The following SORCS3 variants were observed in gnomAD, a reference collection of about 807,000 sequenced individuals.
The protein encoded by SORCS3 is sortilin related VPS10 domain containing receptor 3.
In SORCS3, 57 loss-of-function variants were observed where a neutral mutation model predicts 146.3. The observed-to-expected ratio is 0.39, with a 90% CI of 0.31 to 0.49. The LOEUF (loss-of-function observed/expected upper bound fraction) is 0.49. SORCS3 is among the 20% of genes least tolerant of loss of function. The pLI is 0.92. For missense variants in SORCS3, 1,341 were observed against 1,575.5 expected, an observed-to-expected ratio of 0.85 and a Z score of 2.52; for synonymous variants, 653 against 618.5, an observed-to-expected ratio of 1.06 and a Z score of -0.83.
rs376055606 is a variant in SORCS3, at chr10:105,068,137, C to T, written c.1029-21638C>T. The stretch of plus-strand genomic sequence containing the variant: ...CTCTACTATATACCTCAAAACCCAA[C>T]TGTCCATAACAGAACATATTGCCAT... On this transcript the variant is annotated intron_variant, in intron 5 of 26. Transcript: ENST00000369701. Among the ~76,000 whole-genome samples, 13 of 152,326 alleles carry T rather than the reference C, an allele frequency of 8.5e-5. No homozygotes were observed. In the East Asian group the frequency reaches 2.5e-3, roughly 29 times the overall value.
At chr10:104,671,877 T>C (rs533123392) in intron 1 of SORCS3, among the ~76,000 whole-genome samples, 49 of 152,262 alleles carry the variant, frequency 3.2e-4, no homozygotes, top group African/African-American at 1.2e-3. Context: ...GGTTTACTAG[T>C]ATTTTGTTGA....
chr10:104,810,676 GAGGGTA>G (rs967369701), intron 1 of SORCS3, among the ~76,000 whole-genome samples: 1 of 152,212 alleles, frequency 6.6e-6, no homozygotes, highest in African/African-American at 2.4e-5. Context: ...TACTGGGCCA[GAGGGTA>G]TAAGTGTTTT....
intron 1 of SORCS3, among the ~76,000 whole-genome samples, chr10:104,709,833 T>C (rs2016391190): frequency 2.0e-5 from 3 of 152,144 alleles, no homozygotes; most frequent in Admixed American, 1.3e-4. Flanking sequence ...GCATTTTGGT[T>C]CCTTAAATAA....
At chr10:105,032,116 C>A (rs759172284) in intron 4 of SORCS3, among the ~76,000 whole-genome samples, 4 of 152,060 alleles carry the variant, frequency 2.6e-5, no homozygotes, top group Non-Finnish European at 5.9e-5. Flanking sequence ...CGCTTGAAAC[C>A]GGAAGACAGA....
intron 2 of SORCS3, among the ~76,000 whole-genome samples, chr10:104,876,920 A>T (rs1047051068): frequency 1.3e-5 from 2 of 151,952 alleles, no homozygotes; most frequent in Admixed American, 1.3e-4. Flanking sequence ...TAGCAAAGCA[A>T]TCGCAGCTCA....
intron 2 of SORCS3, among the ~76,000 whole-genome samples, chr10:104,853,918 A>G (rs2018301170): frequency 6.6e-6 from 1 of 152,180 alleles, no homozygotes. Flanking sequence ...TAAAAATACC[A>G]CTTATAAAAA....
chr10:104,964,645 T>C (rs995726812), intron 3 of SORCS3, among the ~76,000 whole-genome samples: 1 of 152,192 alleles, frequency 6.6e-6, no homozygotes, highest in African/African-American at 2.4e-5. Context: ...TTGATTAAAG[T>C]GTTCATTAGC....
Position 104,928,116 on chromosome 10 carries a change from A to G in SORCS3, c.795+12184A>G, listed in dbSNP as rs571464204. On this transcript the variant is annotated intron_variant, in intron 3 of 26. Transcript: ENST00000369701. ...TGGGTTTTAGCAGTTTCAAGTTGGGAGAGAGAATAGGGTACGACTAGATAT... is the reference window on the plus strand; with the variant it reads ...TGGGTTTTAGCAGTTTCAAGTTGGGGGAGAGAATAGGGTACGACTAGATAT... 2.2e-3 allele frequency among the ~76,000 whole-genome samples: 333 copies of G among 152,264 alleles called. 2 individuals are homozygous for G. Among genetic ancestry groups the G allele is most frequent in the African/African-American group, 7.5e-3 (313 of 41,560 alleles).
intron 1 of SORCS3, among the ~76,000 whole-genome samples, chr10:104,719,110 T>A (rs2016513370): frequency 6.6e-6 from 1 of 152,226 alleles, no homozygotes; most frequent in African/African-American, 2.4e-5. Flanking sequence ...ATATTTTTCA[T>A]ACTAAGTATT....
At chr10:105,104,534 TAGA>T (rs2055807974) in intron 6 of SORCS3, among the ~76,000 whole-genome samples, 1 of 152,182 alleles carries the variant, frequency 6.6e-6, no homozygotes, top group South Asian at 2.1e-4. Flanking sequence ...TTGAGATCTC[TAGA>T]AGATTTTTAC....
chr10:104,975,839 G>T (rs1167633576), intron 3 of SORCS3, among the ~76,000 whole-genome samples: 2 of 152,170 alleles, frequency 1.3e-5, no homozygotes, highest in Non-Finnish European at 2.9e-5. Flanking sequence ...AAATGGTGCC[G>T]GGAAAACCGG....
chr10:104,673,613 A>G (rs1250446716), intron 1 of SORCS3, among the ~76,000 whole-genome samples: 1 of 151,706 alleles, frequency 6.6e-6, no homozygotes, highest in Non-Finnish European at 1.5e-5. Flanking sequence ...ATGCCCAGCT[A>G]ATTTTTAAAT....
chr10:104,648,890 T>C (rs899124680), intron 1 of SORCS3, among the ~76,000 whole-genome samples: 5 of 152,186 alleles, frequency 3.3e-5, no homozygotes, highest in Non-Finnish European at 5.9e-5. Flanking sequence ...AAGCCATCCC[T>C]GCTTGGTTGA....
intron 1 of SORCS3, among the ~76,000 whole-genome samples, chr10:104,744,484 G>T (rs1018730409): frequency 6.6e-6 from 1 of 152,070 alleles, no homozygotes. Context: ...GATTTTTCTT[G>T]TATAATCCTC....
At chr10:105,159,667 CTTAGAAG>C (rs145495282) in intron 11 of SORCS3, among the ~76,000 whole-genome samples, 1,530 of 152,346 alleles carry the variant, frequency 0.01, 25 homozygotes, top group African/African-American at 0.034. Context: ...GCCTGCTAAT[CTTAGAAG>C]TTAGAGCTCC....
intron 1 of SORCS3, among the ~76,000 whole-genome samples, chr10:104,772,684 A>G (rs2017265930): frequency 6.6e-6 from 1 of 152,160 alleles, no homozygotes; most frequent in Non-Finnish European, 1.5e-5. Context: ...TTGCCATCAC[A>G]GTACCTTTGT....
intron 3 of SORCS3, among the ~76,000 whole-genome samples, chr10:104,934,316 A>C (rs2019238454): frequency 6.6e-6 from 1 of 152,254 alleles, no homozygotes; most frequent in African/African-American, 2.4e-5. Flanking sequence ...ATGAGACAAT[A>C]GGTCTAGGCA....
intron 2 of SORCS3, among the ~76,000 whole-genome samples, chr10:104,858,327 T>C (rs1229070753): frequency 6.6e-6 from 1 of 152,332 alleles, no homozygotes; most frequent in East Asian, 1.9e-4. Context: ...AACAGTTTTT[T>C]CCTATTTTTA....
intron 3 of SORCS3, among the ~76,000 whole-genome samples, chr10:104,917,402 A>T (rs1017708704): frequency 5.9e-5 from 9 of 152,226 alleles, no homozygotes; most frequent in Non-Finnish European, 1.3e-4. Context: ...TTTATATTGT[A>T]CAACATACTG....
Sources: allele counts gnomAD v4.1 joint callset (sites outside exome capture counted in the v4.1 genomes callset), GRCh38; gene constraint gnomAD v4.1.1; transcripts MANE v1.5; gene names NCBI Gene and HGNC (gene_info 2026-07-23, HGNC 2026-07-21).